Variants in ZFP69 observed in about 807,000 individuals in gnomAD.
ZFP69 encodes zinc finger protein 69 homolog.
A neutral mutation model predicts 48.9 loss-of-function variants in ZFP69; 35 were observed. That is an observed-to-expected ratio of 0.72 (90% CI 0.55 to 0.95). The LOEUF (loss-of-function observed/expected upper bound fraction) is 0.95, where lower values mean the gene tolerates loss of function less well. Among genes scored for constraint, ZFP69 ranks in the 40% least tolerant of loss-of-function variants. The probability of loss-of-function intolerance (pLI) is 0.00; values close to 1 mark genes in which losing one functional copy is unlikely to be tolerated. For synonymous variants in ZFP69, 193 were observed against 216.8 expected (o/e 0.89, Z 0.96); for missense variants, 557 against 638.4 (o/e 0.87, Z 1.37).
chr1:40,484,536 T>C (rs971342908), intron 3 of ZFP69, among the ~76,000 whole-genome samples: 6 of 152,036 alleles, frequency 3.9e-5, no homozygotes, highest in Non-Finnish European at 8.8e-5. Context: ...ATTTTTCCAG[T>C]ATTCCATTTG....
chr1:40,492,520 A>G (rs1645579417), intron 5 of ZFP69, among the ~76,000 whole-genome samples: 1 of 135,106 alleles, frequency 7.4e-6, no homozygotes, highest in African/African-American at 3.0e-5. Context: ...TGTATCTCAT[A>G]ATGAGACTTA....
intron 3 of ZFP69, among the ~76,000 whole-genome samples, chr1:40,487,182 C>T (rs1029196403): frequency 2.4e-4 from 37 of 152,200 alleles, no homozygotes; most frequent in African/African-American, 8.4e-4. Flanking sequence ...ATCAGCCTCC[C>T]AAAGTGCTGG....
chr1:40,486,622 A>G (rs947557180), intron 3 of ZFP69, among the ~76,000 whole-genome samples: 1 of 150,676 alleles, frequency 6.6e-6, no homozygotes, highest in South Asian at 2.1e-4. Context: ...GGGTCTTCCT[A>G]TGTTGCCTAG....
chr1:40,481,742 A>G (rs1415996774), intron 2 of ZFP69, 21 bp from the exon 3 acceptor site: 2 of 1,587,310 alleles, frequency 1.3e-6, no homozygotes, highest in Non-Finnish European at 1.7e-6. Flanking sequence ...TGCAAAGCTC[A>G]TGGCTCTTTT....
At chr1:40,489,866 CTTTTTTTTTTTTTT>C (rs374820239) in intron 5 of ZFP69, among the ~76,000 whole-genome samples, 1 of 115,430 alleles carries the variant, frequency 8.7e-6, no homozygotes, top group Admixed American at 9.6e-5. Context: ...TTTTCTTTTT[CTTTTTTTTTTTTTT>C]TTTTTTTTGA....
chr1:40,496,289 C>T lies in ZFP69; in HGVS notation c.*230C>T, dbSNP rs1373316172. On this transcript the variant is annotated 3_prime_UTR_variant, in exon 6 of 6. Transcript: ENST00000372706. The stretch of plus-strand genomic sequence containing the variant: ...AATGAATTCAGCATTATGAAAAATT[C>T]ATAACAGTTTTTTTCTGATTTCATG... The T allele has an allele frequency of 5.3e-6, 2 of 376,372 alleles. No individual in the cohort carries two copies. The highest frequency in any genetic ancestry group is 9.4e-6 in the Non-Finnish European group (2 of 212,322). The allele number at this position is 376,372 out of a possible 1,614,324, so 23.3% of individuals were successfully genotyped here.
In ZFP69 at chr1:40,489,129, G is replaced by A. The variant is rs765076357; in HGVS notation, c.261G>A (p.Gln87=). The change falls in exon 4 of 6, where the codon CAG becomes CAA. Residue 87 remains glutamine (Q), a synonymous_variant. Transcript: ENST00000372706. ...AGGACATATCTATTGACTTCACCCA[G>A]GAAGAGTGGGGGCAGCTGGCTCCTG... ...TFKDISIDFT[Q]EEWGQLAPAH... is the part of the protein sequence containing the mutation. 19 of 1,613,866 alleles carry A rather than the reference G, an allele frequency of 1.2e-5. No individual in the cohort carries two copies. In the South Asian group the frequency reaches 2.0e-4, roughly 17 times the overall value.
Position 40,483,226 on chromosome 1 carries a change from A to ATTTTTTTTTTTTTTT in ZFP69, c.219+1378_219+1392dup, listed in dbSNP as rs56706952. Reference sequence around the variant, plus strand: ...AAAATCAAACCATACACCTTTTTTAATTTTTTTTTTTTTTTTTTTTAGAGA... The same window carrying ATTTTTTTTTTTTTTT: ...AAAATCAAACCATACACCTTTTTTAATTTTTTTTTTTTTTTTTTTTTTTTTTTTTTTTTTTAGAGA... On this transcript the variant is annotated intron_variant, in intron 3 of 5. Coordinates refer to ENST00000372706, the MANE Select transcript of ZFP69 (RefSeq NM_001320179.2). Among the ~76,000 whole-genome samples the ATTTTTTTTTTTTTTT allele has an allele frequency of 2.1e-4, 25 of 116,960 alleles. 2 individuals carry two copies. Among genetic ancestry groups the ATTTTTTTTTTTTTTT allele is most frequent in the East Asian group, 1.2e-3 (4 of 3,470 alleles). 76.7% of individuals were successfully genotyped at this position (116,960 alleles called of 152,430 possible). A position where few individuals can be genotyped will look rare whatever the true frequency, so the allele number is the denominator to read the frequency against.
In ZFP69 at chr1:40,481,775, A is replaced by T. The variant is rs1425191036; in HGVS notation, c.140A>T (p.Gln47Leu). 1 of 1,610,822 alleles carries T rather than the reference A, an allele frequency of 6.2e-7. No homozygotes were observed. The highest frequency in any genetic ancestry group is 8.5e-7 in the Non-Finnish European group (1 of 1,177,910). Residue 47 changes from glutamine to leucine, a missense_variant, in exon 3 of 6, where the codon CAG (glutamine) becomes CTG (leucine). Gln to Leu is a moderately radical substitution (Grantham distance 113). Transcript: ENST00000372706. ...TTTCCTTCCCCAGCTCTGCTGTCTCAGGATGCTGAGGACGTAAAGACCCAG... is the reference window on the plus strand; with the variant it reads ...TTTCCTTCCCCAGCTCTGCTGTCTCTGGATGCTGAGGACGTAAAGACCCAG... ...KMFEGEALLS[Q>L]DAEDVKTQRE...
Position 40,477,683 on chromosome 1 carries a change from G to C in ZFP69, c.-538G>C, listed in dbSNP as rs978101672. ...ACTCCGGAGGCCGAGGGTCCTCCGGGCTTCCGAAGGAAGCCGACCTCAACG... is the reference window on the plus strand; with the variant it reads ...ACTCCGGAGGCCGAGGGTCCTCCGGCCTTCCGAAGGAAGCCGACCTCAACG... On this transcript the variant is annotated 5_prime_UTR_variant, in exon 1 of 6. Coordinates refer to ENST00000372706, the MANE Select transcript of ZFP69 (RefSeq NM_001320179.2). The surrounding 1 kb of genome is among the most constrained non-coding windows in gnomAD (Gnocchi z 4.0). 6.6e-6 allele frequency: 1 copy of C among 152,158 alleles called. No homozygotes were observed. The highest frequency in any genetic ancestry group is 1.5e-5 in the Non-Finnish European group (1 of 68,014). The allele number at this position is 152,158 out of a possible 1,614,324, so 9.4% of individuals were successfully genotyped here.
At chr1:40,492,480 C>T (rs988558720) in intron 5 of ZFP69, among the ~76,000 whole-genome samples, 2 of 151,852 alleles carry the variant, frequency 1.3e-5, no homozygotes, top group Non-Finnish European at 2.9e-5. Flanking sequence ...TTTTTCTGTC[C>T]TTACTCTAAT....
chr1:40,490,566 C>T (rs1645557510), intron 5 of ZFP69, among the ~76,000 whole-genome samples: 1 of 152,146 alleles, frequency 6.6e-6, no homozygotes, highest in Admixed American at 6.5e-5. Context: ...TCCCTTTCTC[C>T]AGTATCCTAA....
Position 40,494,980 on chromosome 1 carries a change from C to T in ZFP69, c.502C>T (p.Arg168Cys), listed in dbSNP as rs574548786. The T allele has an allele frequency of 3.3e-5, 53 of 1,613,560 alleles. No individual in the cohort carries two copies. Among genetic ancestry groups the T allele is most frequent in the East Asian group, 1.8e-4 (8 of 44,840 alleles). The change falls in exon 6 of 6, where the codon CGC becomes TGC. Residue 168 changes from arginine (R) to cysteine (C), a missense_variant. Coordinates refer to ENST00000372706, the MANE Select transcript of ZFP69 (RefSeq NM_001320179.2). The stretch of plus-strand genomic sequence containing the variant: ...TGCAAAGAGTACCATTTCACAGGAG[C>T]GCTTATATCATGGCATTATGATGGA... ...STAKSTISQE[R>C]LYHGIMMESF...
Position 40,489,204 on chromosome 1 carries a change from G to C in ZFP69, c.336G>C (p.Leu112Phe), listed in dbSNP as rs779359298. The change falls in exon 4 of 6, where the codon TTG becomes TTC. Residue 112 changes from leucine (L) to phenylalanine (F), a missense_variant. Coordinates refer to ENST00000372706, the MANE Select transcript of ZFP69 (RefSeq NM_001320179.2). ...TGATGCTGGAGAACTACAGCAACTT[G>C]GTGTCAGTGGGTAAGACTTGGCTAT... The part of the protein sequence containing the change: ...REVMLENYSN[L>F]VSVGYQLSKP... 2 of 1,614,040 alleles carry C rather than the reference G, an allele frequency of 1.2e-6. No individual in the cohort carries two copies. Among genetic ancestry groups the C allele is most frequent in the South Asian group, 1.1e-5 (1 of 91,060 alleles).
chr1:40,479,624 G>T (rs1431784117), intron 2 of ZFP69, 136 bp downstream of exon 2: 6 of 1,264,050 alleles, frequency 4.7e-6, no homozygotes, highest in Non-Finnish European at 5.3e-6. Flanking sequence ...TTGGGAAGGG[G>T]ACAGCTGTGA....
chr1:40,490,773 G>A (rs998464441), intron 5 of ZFP69: 1 of 151,670 alleles, frequency 6.6e-6, no homozygotes, highest in Non-Finnish European at 1.5e-5. Context: ...TATCTTTTTT[G>A]TAACAGCTAC....
At position 40,489,600 on chromosome 1, in the gene ZFP69, G is replaced by C; in HGVS notation, c.418G>C (p.Glu140Gln). ...AGAAGAGCCATGGATGGCAGAGAAAGAAGGCCCAGGAGATCCCAGTTCAGG... is the reference window on the plus strand; with the variant it reads ...AGAAGAGCCATGGATGGCAGAGAAACAAGGCCCAGGAGATCCCAGTTCAGG... The part of the protein sequence containing the change: ...KGEEPWMAEK[E>Q]GPGDPSSDLK... The change falls in exon 5 of 6, where the codon GAA (glutamate) becomes CAA (glutamine). Residue 140 changes from glutamate (E) to glutamine (Q), a missense_variant. Physicochemically the swap from Glu to Gln is conservative, Grantham distance 29 (BLOSUM62 2). Transcript: ENST00000372706. 6.2e-7 allele frequency: 1 copy of C among 1,613,742 alleles called. No individual in the cohort carries two copies. The highest frequency in any genetic ancestry group is 8.5e-7 in the Non-Finnish European group (1 of 1,179,896).
chr1:40,490,838 C>T (rs192418208), intron 5 of ZFP69: 3 of 152,290 alleles, frequency 2.0e-5, no homozygotes, highest in Admixed American at 1.3e-4. Context: ...AACCAAATGT[C>T]GGGGTCCCTA....
Position 40,495,167 on chromosome 1 carries a change from T to C in ZFP69, c.689T>C (p.Ile230Thr), listed in dbSNP as rs775881240. Residue 230 changes from isoleucine (I) to threonine (T), a missense_variant, in exon 6 of 6, where the codon ATC becomes ACC. Transcript: ENST00000372706. ...GAAACTAACAAATTTGGGGAAAATATCATTGTGCATTCAAATGTTATTATT... is the reference window on the plus strand; with the variant it reads ...GAAACTAACAAATTTGGGGAAAATACCATTGTGCATTCAAATGTTATTATT... ...VQETNKFGEN[I>T]IVHSNVIIEQ... 9 of 1,614,010 alleles carry C rather than the reference T, an allele frequency of 5.6e-6. No individual in the cohort carries two copies. The highest frequency in any genetic ancestry group is 1.1e-5 in the South Asian group (1 of 91,086).
Sources: allele counts gnomAD v4.1 joint callset (sites outside exome capture counted in the v4.1 genomes callset), GRCh38; gene constraint gnomAD v4.1.1; non-coding constraint Gnocchi (gnomAD v3.1); transcripts MANE v1.5; gene names NCBI Gene and HGNC (gene_info 2026-07-23, HGNC 2026-07-21).